Variants in MAPKAPK5 observed in about 807,000 individuals in gnomAD.
The protein encoded by MAPKAPK5 is MAPK activated protein kinase 5.
A neutral mutation model predicts 65.1 loss-of-function variants in MAPKAPK5; 30 were observed. The observed-to-expected ratio is 0.46, with a 90% CI of 0.34 to 0.63. The LOEUF is 0.63. MAPKAPK5 is among the 20% of genes least tolerant of loss of function. The pLI, the probability that MAPKAPK5 is intolerant of heterozygous loss-of-function variation, is 0.01. For missense variants in MAPKAPK5, 433 were observed against 581.4 expected, an observed-to-expected ratio of 0.74 and a Z score of 2.63; for synonymous variants, 179 against 204.6, an observed-to-expected ratio of 0.87 and a Z score of 1.07.
intron 13 of MAPKAPK5, among the ~76,000 whole-genome samples, chr12:111,890,427 C>A (rs896282037): frequency 6.6e-5 from 10 of 152,014 alleles, no homozygotes; most frequent in East Asian, 1.9e-4. Flanking sequence ...TAAAAAAAAC[C>A]CCCAAATTTC....
chr12:111,889,310 A>G (rs2136154812), intron 12 of MAPKAPK5: 1 of 286,876 alleles, frequency 3.5e-6, no homozygotes. Context: ...CAACAAGGGC[A>G]CAGGTTGGGG....
chr12:111,867,380 A>G (rs1176879318), intron 3 of MAPKAPK5, among the ~76,000 whole-genome samples, 192 bp from the exon 4 acceptor site: 1 of 152,254 alleles, frequency 6.6e-6, no homozygotes, highest in Non-Finnish European at 1.5e-5. Flanking sequence ...AACAGTAGGA[A>G]GTAAATCTGT....
intron 9 of MAPKAPK5, among the ~76,000 whole-genome samples, chr12:111,884,134 C>T (rs562096327): frequency 1.5e-4 from 23 of 152,158 alleles, no homozygotes; most frequent in Admixed American, 7.8e-4. Flanking sequence ...AACTAGGTGC[C>T]GAGATGACAA....
chr12:111,875,497 C>G (rs560101943), intron 7 of MAPKAPK5, among the ~76,000 whole-genome samples: 6 of 152,236 alleles, frequency 3.9e-5, no homozygotes, highest in Middle Eastern at 3.4e-3. Flanking sequence ...CTTGGCCCCC[C>G]CTTAGCAATA....
At chr12:111,868,885 CA>C (rs1369238034) in intron 5 of MAPKAPK5, 24 bp downstream of exon 5, 3 of 1,513,824 alleles carry the variant, frequency 2.0e-6, no homozygotes, top group Non-Finnish European at 2.7e-6. Flanking sequence ...AGGTACCAAT[CA>C]AACTGCCACC....
At chr12:111,889,737 T>TTTG in intron 12 of MAPKAPK5, 1 of 259,378 alleles carries the variant, frequency 3.9e-6, no homozygotes, top group East Asian at 8.0e-5. Context: ...CTTTTTGGTC[T>TTTG]TTGGTTGACC....
At position 111,883,591 on chromosome 12, in the gene MAPKAPK5, T is replaced by C; in HGVS notation, c.671T>C (p.Leu224Ser). 2 of 1,611,948 alleles carry C rather than the reference T, an allele frequency of 1.2e-6. No homozygotes were observed. The highest frequency in any genetic ancestry group is 1.7e-6 in the Non-Finnish European group (2 of 1,179,226). Residue 224 changes from leucine to serine, a missense_variant, in exon 9 of 14, where the codon TTG (leucine) becomes TCG (serine). Coordinates refer to ENST00000550735, the MANE Select transcript of MAPKAPK5 (RefSeq NM_003668.4). This position sits in a 1 kb window ranked among gnomAD's most constrained non-coding sequence, Gnocchi z 4.8. The stretch of plus-strand genomic sequence containing the variant: ...CTTTTTTGCTTTCAGAGCTGTGACT[T>C]GTGGTCCCTAGGGGTGATTATCTAT... ...TPYTYNKSCD[L>S]WSLGVIIYVM...
At position 111,896,437 on chromosome 12, in the gene MAPKAPK5, G is replaced by A. The variant is rs1310784584; in HGVS notation, c.*3376G>A. On this transcript the variant is annotated 3_prime_UTR_variant, in exon 14 of 14. Coordinates refer to ENST00000550735, the MANE Select transcript of MAPKAPK5 (RefSeq NM_003668.4). ...CTTGAAAAAAAACAGTAGCTCCCAAGGGACTCAGCATGGCTTGGTCTTCGA... is the reference window on the plus strand; with the variant it reads ...CTTGAAAAAAAACAGTAGCTCCCAAAGGACTCAGCATGGCTTGGTCTTCGA... 3 of 152,148 alleles carry A rather than the reference G, an allele frequency of 2.0e-5. No individual in the cohort carries two copies. Among genetic ancestry groups the A allele is most frequent in the African/African-American group, 7.2e-5 (3 of 41,438 alleles). The allele number at this position is 152,148 out of a possible 1,614,324, so 9.4% of individuals were successfully genotyped here. A position where few individuals can be genotyped will look rare whatever the true frequency, so the allele number is the denominator to read the frequency against.
At chr12:111,859,780 G>A (rs188767937) in intron 1 of MAPKAPK5, among the ~76,000 whole-genome samples, 2 of 152,098 alleles carry the variant, frequency 1.3e-5, no homozygotes, top group Non-Finnish European at 2.9e-5. Flanking sequence ...CTCCTGAGTA[G>A]CTGAGATTAC....
chr12:111,886,146 TC>T, intron 10 of MAPKAPK5, 110 bp downstream of exon 10: 2 of 1,450,912 alleles, frequency 1.4e-6, no homozygotes, highest in Non-Finnish European at 1.9e-6. Context: ...ACACGATCCT[TC>T]CCAGAGAAAC....
chr12:111,884,819 C>A (rs1033005045), intron 9 of MAPKAPK5, among the ~76,000 whole-genome samples: 1 of 152,118 alleles, frequency 6.6e-6, no homozygotes, highest in African/African-American at 2.4e-5. Flanking sequence ...TGTCTCCCAA[C>A]AGTACAGCCA....
intron 7 of MAPKAPK5, chr12:111,879,605 G>T (rs1327177057): frequency 3.3e-5 from 5 of 152,202 alleles, no homozygotes. Flanking sequence ...GGCCAGGCTG[G>T]TCTCGAACTC....
In MAPKAPK5 at chr12:111,899,401, G is replaced by C. The variant is rs1445071463; in HGVS notation, c.*6340G>C. On this transcript the variant is annotated 3_prime_UTR_variant, in exon 14 of 14. Coordinates refer to ENST00000550735, the MANE Select transcript of MAPKAPK5 (RefSeq NM_003668.4). ...AACTTAAGGCTGGGGCTAGTACCAG[G>C]ACCTTCATGTATCAGGTTAGAGATT... 2 of 155,638 alleles carry C rather than the reference G, an allele frequency of 1.3e-5. No individual in the cohort carries two copies. The highest frequency in any genetic ancestry group is 3.8e-4 in the East Asian group (2 of 5,276). The allele number at this position is 155,638 out of a possible 1,614,324, so 9.6% of individuals were successfully genotyped here. A position where few individuals can be genotyped will look rare whatever the true frequency, so the allele number is the denominator to read the frequency against.
rs2069655229 is a variant in MAPKAPK5 at position 111,867,587 on chromosome 12, A to ATGTG, written c.205_208dup (p.Ala70ValfsTer12). The ATGTG allele has an allele frequency of 6.2e-7, 1 of 1,613,210 alleles. No individual in the cohort carries two copies. The highest frequency in any genetic ancestry group is 8.5e-7 in the Non-Finnish European group (1 of 1,179,260). ...TCTCTTTAAGGTACGTCTGCACATG[A>ATGTG]TGTGTGCCACACACCCAAACATAGT... is the stretch of plus-strand genomic sequence containing the variant. On this transcript the variant is annotated frameshift_variant, in exon 4 of 14. Coordinates refer to ENST00000550735, the MANE Select transcript of MAPKAPK5 (RefSeq NM_003668.4). LOFTEE classifies it high-confidence loss of function.
At chr12:111,867,437 A>G (rs2069650398) in intron 3 of MAPKAPK5, 135 bp from the exon 4 acceptor site, 1 of 578,256 alleles carries the variant, frequency 1.7e-6, no homozygotes, top group Non-Finnish European at 3.0e-6. Context: ...ATAATCTTTG[A>G]AAACACTGGG....
At chr12:111,846,499 T>C (rs998279950) in intron 1 of MAPKAPK5, among the ~76,000 whole-genome samples, 2 of 146,262 alleles carry the variant, frequency 1.4e-5, no homozygotes, top group Admixed American at 1.4e-4. Flanking sequence ...AGTTTCTTTT[T>C]CTTTTTTTTT....
Position 111,900,654 on chromosome 12 carries a change from T to C in MAPKAPK5, c.*7593T>C, listed in dbSNP as rs1404822501. 4 of 455,700 alleles carry C rather than the reference T, an allele frequency of 8.8e-6. No individual in the cohort carries two copies. Among genetic ancestry groups the C allele is most frequent in the South Asian group, 3.1e-5 (2 of 64,558 alleles). 28.2% of individuals were successfully genotyped at this position (455,700 alleles called of 1,614,324 possible). On this transcript the variant is annotated 3_prime_UTR_variant, in exon 14 of 14. Coordinates refer to ENST00000550735, the MANE Select transcript of MAPKAPK5 (RefSeq NM_003668.4). ...GCATCATGCATGCTGTGATGAAAAC[T>C]GTATACTGAAGGCGAAAGCAGAGTG...
chr12:111,886,153 GAAAC>G, intron 10 of MAPKAPK5, 117 bp downstream of exon 10: 2 of 1,419,700 alleles, frequency 1.4e-6, no homozygotes, highest in East Asian at 2.3e-5. Flanking sequence ...CCTTCCCAGA[GAAAC>G]ATCTCTGGTT....
At chr12:111,892,719 T>G (rs1392245933) in intron 13 of MAPKAPK5, among the ~76,000 whole-genome samples, 1 of 152,192 alleles carries the variant, frequency 6.6e-6, no homozygotes, top group Non-Finnish European at 1.5e-5. Context: ...ATTACAAAGA[T>G]CTTGTCTCTC....
Sources: allele counts gnomAD v4.1 joint callset (sites outside exome capture counted in the v4.1 genomes callset), GRCh38; gene constraint gnomAD v4.1.1; non-coding constraint Gnocchi (gnomAD v3.1); transcripts MANE v1.5; gene names NCBI Gene and HGNC (gene_info 2026-07-23, HGNC 2026-07-21).